Variants in MYH11 observed in about 807,000 individuals in gnomAD.
MYH11 encodes the protein myosin-11.
MYH11 carries 80 observed loss-of-function variants against 246.6 expected under a neutral mutation model. The ratio of observed to expected loss-of-function variants is 0.32; its 90% CI spans 0.27 to 0.39. The LOEUF (loss-of-function observed/expected upper bound fraction) is 0.39, where lower values mean the gene tolerates loss of function less well. Ranked by LOEUF, MYH11 falls within the 10% of genes least tolerant of loss-of-function variation. The probability of loss-of-function intolerance (pLI) is 1.00; values close to 1 mark genes in which losing one functional copy is unlikely to be tolerated. For synonymous variants in MYH11, 1,071 were observed against 1,015.5 expected (o/e 1.05, Z -1.04); for missense variants, 2,158 against 2,546.8 (o/e 0.85, Z 3.29).
intron 2 of MYH11, among the ~76,000 whole-genome samples, chr16:15,837,364 G>C (rs879326581): frequency 6.6e-6 from 1 of 152,090 alleles, no homozygotes; most frequent in Admixed American, 6.6e-5. Context: ...TGATGACATG[G>C]GATTGTCACA....
At chr16:15,709,207 CTGGGATT>C (rs1230989879) in intron 40 of MYH11, among the ~76,000 whole-genome samples, 2 of 152,124 alleles carry the variant, frequency 1.3e-5, no homozygotes, top group African/African-American at 2.4e-5. Flanking sequence ...TCCCAAGGTG[CTGGGATT>C]TGGGATTACA....
intron 2 of MYH11, among the ~76,000 whole-genome samples, chr16:15,832,635 T>G (rs919999514): frequency 1.3e-5 from 2 of 152,230 alleles, no homozygotes; most frequent in African/African-American, 4.8e-5. Context: ...TCCTCTGTGT[T>G]AGCAGGTTGT....
At chr16:15,748,442 C>T (rs1264080967) in intron 16 of MYH11, among the ~76,000 whole-genome samples, 2 of 152,164 alleles carry the variant, frequency 1.3e-5, no homozygotes, top group Non-Finnish European at 2.9e-5. Flanking sequence ...CTCATCACCT[C>T]GTCTCCCTCA....
At chr16:15,796,496 T>C (rs1000647573) in intron 4 of MYH11, among the ~76,000 whole-genome samples, 1 of 152,170 alleles carries the variant, frequency 6.6e-6, no homozygotes, top group African/African-American at 2.4e-5. Context: ...ACTTAATTCA[T>C]TCACTCAACA....
chr16:15,763,741 T>TCGGC, intron 10 of MYH11, 55 bp downstream of exon 10: 24 of 646,842 alleles, frequency 3.7e-5, no homozygotes, highest in East Asian at 6.3e-5. Flanking sequence ...AAATGTCACC[T>TCGGC]CCCCCACCCC....
chr16:15,796,341 T>C (rs756270712), intron 4 of MYH11, among the ~76,000 whole-genome samples: 34 of 152,198 alleles, frequency 2.2e-4, no homozygotes, highest in Non-Finnish European at 8.8e-5. Flanking sequence ...GCATGGGTGC[T>C]GGAAATGAGA....
At chr16:15,847,926 G>A (rs546653298) in intron 1 of MYH11, among the ~76,000 whole-genome samples, 2 of 152,236 alleles carry the variant, frequency 1.3e-5, no homozygotes, top group South Asian at 2.1e-4. Flanking sequence ...GTGGAGCTGC[G>A]GAGGTTGAGA....
intron 8 of MYH11, among the ~76,000 whole-genome samples, chr16:15,773,423 T>C (rs1596814810): frequency 6.6e-6 from 1 of 151,752 alleles, no homozygotes; most frequent in East Asian, 1.9e-4. Context: ...TAGCTGGGAT[T>C]ACAGGCACCC....
intron 3 of MYH11, among the ~76,000 whole-genome samples, chr16:15,819,965 A>G (rs1360789364): frequency 6.6e-6 from 1 of 152,212 alleles, no homozygotes; most frequent in African/African-American, 2.4e-5. Context: ...AGCCACCATC[A>G]TGATATGAAC....
At chr16:15,820,273 G>A (rs775770090) in intron 3 of MYH11, among the ~76,000 whole-genome samples, 10 of 152,034 alleles carry the variant, frequency 6.6e-5, no homozygotes, top group African/African-American at 1.4e-4. Flanking sequence ...TCAGGAGATC[G>A]AGACCATCCT....
intron 20 of MYH11, 141 bp downstream of exon 20, chr16:15,744,988 A>T: frequency 1.4e-6 from 1 of 713,472 alleles, no homozygotes; most frequent in South Asian, 1.5e-5. Flanking sequence ...CGGGCCAGAG[A>T]ACCGCCAATG....
intron 4 of MYH11, among the ~76,000 whole-genome samples, chr16:15,790,456 G>A (rs1235500683): frequency 6.6e-6 from 1 of 152,124 alleles, no homozygotes; most frequent in African/African-American, 2.4e-5. Context: ...GTTGCTGCTG[G>A]GCTCCACTGT....
At chr16:15,746,092 G>GT (rs34184615) in intron 19 of MYH11, among the ~76,000 whole-genome samples, 4,932 of 141,998 alleles carry the variant, frequency 0.035, 159 homozygotes, top group East Asian at 0.11. Context: ...AATTTTTAAA[G>GT]TTTTTTTTTT....
chr16:15,706,993 C>T (rs964801345), intron 40 of MYH11, among the ~76,000 whole-genome samples: 1 of 152,160 alleles, frequency 6.6e-6, no homozygotes, highest in Non-Finnish European at 1.5e-5. Flanking sequence ...GTTACAGGAA[C>T]TAAGGGACCC....
chr16:15,724,557 C>G, intron 30 of MYH11, 90 bp downstream of exon 30: 1 of 1,608,502 alleles, frequency 6.2e-7, no homozygotes, highest in Non-Finnish European at 8.5e-7. Context: ...CACCATCGCA[C>G]CAACACTCCA....
At position 15,724,683 on chromosome 16, in the gene MYH11, C is replaced by T; in HGVS notation, c.4080G>A (p.Gln1360=). 6.2e-7 allele frequency: 1 copy of T among 1,614,220 alleles called. No homozygotes were observed. The highest frequency in any genetic ancestry group is 2.2e-5 in the East Asian group (1 of 44,884). ...GAGTGGAGATGTGGCGCTCCAGGTTCTGCTTGGCCTCCATCTCCTCGTCCA... is the reference window on the plus strand; with the variant it reads ...GAGTGGAGATGTGGCGCTCCAGGTTTTGCTTGGCCTCCATCTCCTCGTCCA... ...DQLDEEMEAK[Q]NLERHISTLN... Residue 1360 remains glutamine, a synonymous_variant, in exon 30 of 41, where the codon CAG becomes CAA. Coordinates refer to ENST00000300036, the MANE Select transcript of MYH11 (RefSeq NM_002474.3).
chr16:15,719,400 C>T, intron 35 of MYH11, 92 bp from the exon 36 acceptor site: 2 of 1,498,852 alleles, frequency 1.3e-6, no homozygotes, highest in East Asian at 2.3e-5. Flanking sequence ...CTTGAAAGTA[C>T]ATGTTCTTCC....
At chr16:15,823,167 A>G in intron 3 of MYH11, 88 bp downstream of exon 3, 4 of 1,585,074 alleles carry the variant, frequency 2.5e-6, no homozygotes, top group South Asian at 2.2e-5. Flanking sequence ...AGTGCCTGCC[A>G]AACTCCACAT....
At chr16:15,825,096 C>A (rs558495501) in intron 2 of MYH11, among the ~76,000 whole-genome samples, 14 of 152,106 alleles carry the variant, frequency 9.2e-5, no homozygotes, top group Non-Finnish European at 1.8e-4. Context: ...AGAAGCCAGG[C>A]ACGAAAAGTC....
Sources: gnomAD v4.1 joint callset for allele counts (sites outside exome capture counted in the v4.1 genomes callset) on GRCh38, gnomAD v4.1.1 for gene constraint, MANE v1.5 for transcripts, NCBI Gene and HGNC (gene_info 2026-07-23, HGNC 2026-07-21) for gene names.